Variants in PRC1 observed in about 807,000 individuals in gnomAD.
PRC1 encodes the protein protein regulator of cytokinesis 1.
In PRC1, 54 loss-of-function variants were observed where a neutral mutation model predicts 91.2. That is an observed-to-expected ratio of 0.59 (90% CI 0.48 to 0.74). PRC1 has a LOEUF of 0.74. Among genes scored for constraint, PRC1 ranks in the 30% least tolerant of loss-of-function variants. The pLI is 0.00. For missense variants in PRC1, 727 were observed against 746.2 expected (o/e 0.97, Z 0.30); for synonymous variants, 275 against 263.6 (o/e 1.04, Z -0.42).
rs1596308151 is a variant in PRC1 at position 90,979,274 on chromosome 15, G to A, written c.991C>T (p.Leu331Phe). The change falls in exon 8 of 15, where the codon CTC (leucine) becomes TTC (phenylalanine). Residue 331 changes from leucine to phenylalanine, a missense_variant. Leu to Phe is a conservative substitution (Grantham distance 22). Coordinates refer to ENST00000394249, the MANE Select transcript of PRC1 (RefSeq NM_003981.4). Reference sequence around the variant, plus strand: ...ACAATCTCAGCATCGTGGAGCTGGAGCAGACTTTCTGTGTAGTCCTCTGCA... The same window carrying A: ...ACAATCTCAGCATCGTGGAGCTGGAACAGACTTTCTGTGTAGTCCTCTGCA... ...FCAEDYTESL[L>F]QLHDAEIVRL... The A allele has an allele frequency of 6.2e-7, 1 of 1,614,136 alleles. No homozygotes were observed. Among genetic ancestry groups the A allele is most frequent in the Non-Finnish European group, 8.5e-7 (1 of 1,180,014 alleles).
chr15:90,980,174 C>A, intron 7 of PRC1, 68 bp downstream of exon 7: 2 of 1,465,990 alleles, frequency 1.4e-6, no homozygotes, highest in Non-Finnish European at 9.0e-7. Flanking sequence ...GAACTTGAGA[C>A]TAGGCTGGGC....
At chr15:90,976,062 C>T (rs762470519) in intron 9 of PRC1, among the ~76,000 whole-genome samples, 10 of 152,046 alleles carry the variant, frequency 6.6e-5, no homozygotes, top group Non-Finnish European at 1.3e-4. Context: ...GTTGTCGAAA[C>T]TGCCCAGTCC....
At position 90,974,373 on chromosome 15, in the gene PRC1, TCCCCGTTCCACAAGCCCCGGTCCCC is replaced by T; in HGVS notation, c.1351-152_1351-128del. On this transcript the variant is annotated intron_variant, in intron 10 of 14. Coordinates refer to ENST00000394249, the MANE Select transcript of PRC1 (RefSeq NM_003981.4). This position sits in a 1 kb window ranked among gnomAD's most constrained non-coding sequence, Gnocchi z 4.6. Reference sequence around the variant, plus strand: ...CCAGAGCTAAAGAGCTGCCGCGGGCTCCCCGTTCCACAAGCCCCGGTCCCCGGCTCCCCGTTCCACAAGCCCCGGT... The same window carrying T: ...CCAGAGCTAAAGAGCTGCCGCGGGCTGGCTCCCCGTTCCACAAGCCCCGGT... The T allele has an allele frequency of 9.4e-7, 1 of 1,064,050 alleles. No homozygotes were observed. 65.9% of individuals were successfully genotyped at this position (1,064,050 alleles called of 1,614,324 possible). A position where few individuals can be genotyped will look rare whatever the true frequency, so the allele number is the denominator to read the frequency against.
chr15:90,974,168 G>C lies in PRC1; in HGVS notation c.1429C>G (p.Leu477Val). ...APRTPSKRRG[L>V]APNTPGKARK... ...GCTTTGCCCGGTGTATTGGGAGCCA[G>C]TCCTCGCCGCTTGCTAGGTGTTCGA... The change falls in exon 11 of 15, where the codon CTG (leucine) becomes GTG (valine). Residue 477 changes from leucine (L) to valine (V), a missense_variant. Physicochemically the swap from Leu to Val is conservative, Grantham distance 32 (BLOSUM62 1). Transcript: ENST00000394249. The surrounding 1 kb of genome is among the most constrained non-coding windows in gnomAD (Gnocchi z 4.6). 6.2e-7 allele frequency: 1 copy of C among 1,614,164 alleles called. No individual in the cohort carries two copies. The highest frequency in any genetic ancestry group is 8.5e-7 in the Non-Finnish European group (1 of 1,179,994).
At position 90,980,150 on chromosome 15, in the gene PRC1, T is replaced by C. The variant is rs539833580; in HGVS notation, c.970+92A>G. 79 of 1,421,790 alleles carry C rather than the reference T, an allele frequency of 5.6e-5. No individual in the cohort carries two copies. The South Asian group carries it at 5.9e-4, about 11-fold the overall frequency. 88.1% of individuals were successfully genotyped at this position (1,421,790 alleles called of 1,614,324 possible). ...ACTTTGGGAGGCCAAGTTGGGAGGA[T>C]TGTTTGAGCCTAGGAACTTGAGACT... is the stretch of plus-strand genomic sequence containing the variant. On this transcript the variant is annotated intron_variant, in intron 7 of 14. Coordinates refer to ENST00000394249, the MANE Select transcript of PRC1 (RefSeq NM_003981.4).
intron 11 of PRC1, among the ~76,000 whole-genome samples, chr15:90,973,709 A>G (rs1027407421): frequency 2.0e-5 from 3 of 152,044 alleles, no homozygotes; most frequent in African/African-American, 7.2e-5. Context: ...ACTCTTTACT[A>G]CACTGAGATG....
chr15:90,993,531 A>T (rs1022508632), intron 1 of PRC1, among the ~76,000 whole-genome samples: 15 of 152,200 alleles, frequency 9.9e-5, no homozygotes, highest in African/African-American at 3.6e-4. Context: ...AAAACTACAC[A>T]TTATTTAACG....
At chr15:90,992,666 G>A (rs573149118) in intron 1 of PRC1, among the ~76,000 whole-genome samples, 3 of 151,666 alleles carry the variant, frequency 2.0e-5, no homozygotes, top group Non-Finnish European at 2.9e-5. Context: ...ATACTCCCTG[G>A]CTAAATTGTT....
At chr15:90,969,739 T>C (rs1056582563) in intron 12 of PRC1, 116 bp from the exon 13 acceptor site, 47 of 509,962 alleles carry the variant, frequency 9.2e-5, no homozygotes, top group Non-Finnish European at 1.3e-4. Flanking sequence ...TCTATAATCC[T>C]ATACTTTTTA....
At chr15:90,967,420 T>C in intron 14 of PRC1, 10 of 547,008 alleles carry the variant, frequency 1.8e-5, no homozygotes, top group East Asian at 6.3e-5. Flanking sequence ...CCGTGACCCC[T>C]TTTTCCTCAG....
chr15:90,984,653 T>C lies in PRC1; in HGVS notation c.144+40A>G, dbSNP rs2039452219. On this transcript the variant is annotated intron_variant, in intron 2 of 14. Coordinates refer to ENST00000394249, the MANE Select transcript of PRC1 (RefSeq NM_003981.4). The surrounding 1 kb of genome is among the most constrained non-coding windows in gnomAD (Gnocchi z 5.1). ...ATCTCGGGTGAGACACCAACATCCT[T>C]ACCCTGGTCCAATGCAGAGACCAGT... 14 of 1,611,360 alleles carry C rather than the reference T, an allele frequency of 8.7e-6. No individual in the cohort carries two copies. The highest frequency in any genetic ancestry group is 1.7e-4 in the Middle Eastern group (1 of 5,988).
chr15:90,981,637 CTT>C lies in PRC1; in HGVS notation c.532_533del (p.Lys178GlufsTer19). 3.1e-6 allele frequency: 5 copies of C among 1,614,114 alleles called. No homozygotes were observed. Among genetic ancestry groups the C allele is most frequent in the African/African-American group, 1.3e-5 (1 of 75,058 alleles). On this transcript the variant is annotated frameshift_variant, in exon 5 of 15. Coordinates refer to ENST00000394249, the MANE Select transcript of PRC1 (RefSeq NM_003981.4). LOFTEE classifies it high-confidence loss of function. ...ASRREEFVSI[K>X]RQIILCMEAL... ...CTTCCATACACAGTATGATCTGTCT[CTT>C]TATACTGACAAACTCCTCACGCCTA...
rs1410520417 is a variant in PRC1, at chr15:90,966,782, A to G, written c.*349T>C. ...ATACATGCCAAAATTACCCCCAGGGATGGGCATAGTCAATCATTTTCCTAC... is the reference window on the plus strand; with the variant it reads ...ATACATGCCAAAATTACCCCCAGGGGTGGGCATAGTCAATCATTTTCCTAC... On this transcript the variant is annotated 3_prime_UTR_variant, in exon 15 of 15. Transcript: ENST00000394249. 21 of 438,226 alleles carry G rather than the reference A, an allele frequency of 4.8e-5. No individual in the cohort carries two copies. In the Admixed American group the frequency reaches 5.5e-4, roughly 11 times the overall value. 27.1% of individuals were successfully genotyped at this position (438,226 alleles called of 1,614,324 possible).
chr15:90,984,818 G>C lies in PRC1; in HGVS notation c.19C>G (p.Leu7Val). The C allele has an allele frequency of 6.2e-7, 1 of 1,614,042 alleles. No individual in the cohort carries two copies. Residue 7 changes from leucine (L) to valine (V), a missense_variant, in exon 2 of 15, where the codon CTG becomes GTG. Coordinates refer to ENST00000394249, the MANE Select transcript of PRC1 (RefSeq NM_003981.4). The surrounding 1 kb of genome is among the most constrained non-coding windows in gnomAD (Gnocchi z 5.1). ...AGACATACTATGGACTCCTCCGCCA[G>C]CACCTCACTGAAAACCAAAAACTAA... MRRSEV[L>V]AEESIVCLQK...
intron 5 of PRC1, 119 bp downstream of exon 5, chr15:90,981,380 T>C: frequency 8.4e-7 from 1 of 1,190,944 alleles, no homozygotes; most frequent in Non-Finnish European, 1.2e-6. Context: ...TATCCTTAGC[T>C]TCCCTCATTC....
chr15:90,984,919 G>C lies in PRC1; in HGVS notation c.12-94C>G, dbSNP rs148941445. ...GAGAACTAAAAAGACTAGCTTCTCAGTGGCCTCGAGAAAAAAACAAATTGA... is the reference window on the plus strand; with the variant it reads ...GAGAACTAAAAAGACTAGCTTCTCACTGGCCTCGAGAAAAAAACAAATTGA... On this transcript the variant is annotated intron_variant, in intron 1 of 14. Coordinates refer to ENST00000394249, the MANE Select transcript of PRC1 (RefSeq NM_003981.4). This position sits in a 1 kb window ranked among gnomAD's most constrained non-coding sequence, Gnocchi z 5.1. 6.9e-4 allele frequency: 1,027 copies of C among 1,486,420 alleles called. 5 individuals carry two copies. The African/African-American group carries it at 0.013, about 19-fold the overall frequency. The allele number at this position is 1,486,420 out of a possible 1,614,324, so 92.1% of individuals were successfully genotyped here.
chr15:90,983,206 T>TC lies in PRC1; in HGVS notation c.267+811dup, dbSNP rs571020365. On this transcript the variant is annotated intron_variant, in intron 3 of 14. Coordinates refer to ENST00000394249, the MANE Select transcript of PRC1 (RefSeq NM_003981.4). ...GCTCTTGGCTACCAAGTATGAATTA[T>TC]CCTTTGCCCTTTAAAGGTGATCTCC... is the stretch of plus-strand genomic sequence containing the variant. Among the ~76,000 whole-genome samples, 35 of 152,312 alleles carry TC rather than the reference T, an allele frequency of 2.3e-4. 1 individual carries two copies. The highest frequency in any genetic ancestry group is 7.7e-4 in the African/African-American group (32 of 41,572).
chr15:90,983,578 G>A (rs745578931), intron 3 of PRC1: 1 of 152,558 alleles, frequency 6.6e-6, no homozygotes, highest in Non-Finnish European at 1.5e-5. Flanking sequence ...AGCCATTTTG[G>A]CTGGTTCAGT....
rs1003508777 is a variant in PRC1, at chr15:90,990,993, G to C, written c.11+3414C>G. ...GGGGTTTCACCATGTTGGTCAGGCT[G>C]GTCTCAAACTCCTGACCTCGTGATC... On this transcript the variant is annotated intron_variant, in intron 1 of 14. Coordinates refer to ENST00000394249, the MANE Select transcript of PRC1 (RefSeq NM_003981.4). Among the ~76,000 whole-genome samples, 17 of 151,304 alleles carry C rather than the reference G, an allele frequency of 1.1e-4. 1 individual carries two copies. The highest frequency in any genetic ancestry group is 3.1e-4 in the African/African-American group (13 of 41,330).
Sources: gnomAD v4.1 joint callset for allele counts (sites outside exome capture counted in the v4.1 genomes callset) on GRCh38, gnomAD v4.1.1 for gene constraint, Gnocchi (gnomAD v3.1) non-coding constraint, MANE v1.5 for transcripts, NCBI Gene and HGNC (gene_info 2026-07-23, HGNC 2026-07-21) for gene names.